Variants in DAB1 observed in about 807,000 individuals in gnomAD.
DAB1 encodes the protein disabled homolog 1.
Under a neutral mutation model 64.6 loss-of-function variants are expected in DAB1, and 15 were observed. The ratio of observed to expected loss-of-function variants is 0.23; its 90% CI spans 0.16 to 0.36. DAB1 has a LOEUF of 0.36. Among genes scored for constraint, DAB1 ranks in the 10% least tolerant of loss-of-function variants. The pLI is 1.00. For synonymous variants in DAB1, 235 were observed against 251.9 expected, an observed-to-expected ratio of 0.93 and a Z score of 0.64; for missense variants, 596 against 706.7, an observed-to-expected ratio of 0.84 and a Z score of 1.78.
chr1:58,236,921 C>T (rs1210349151), intron 4 of DAB1, among the ~76,000 whole-genome samples: 1 of 152,180 alleles, frequency 6.6e-6, no homozygotes, highest in Non-Finnish European at 1.5e-5. Flanking sequence ...AACTGAAACC[C>T]AGAGAAGTTA....
At chr1:58,485,475 T>C (rs977437336) in intron 3 of DAB1, among the ~76,000 whole-genome samples, 1 of 152,056 alleles carries the variant, frequency 6.6e-6, no homozygotes, top group Admixed American at 6.6e-5. Flanking sequence ...TACTTCTTCA[T>C]GTGTGAACTG....
At chr1:57,696,213 T>A (rs918812886) in intron 6 of DAB1, among the ~76,000 whole-genome samples, 3 of 152,130 alleles carry the variant, frequency 2.0e-5, no homozygotes, top group African/African-American at 7.2e-5. Context: ...CATTGTTGAA[T>A]CCCCATATCT....
At chr1:58,256,918 T>C (rs1660945592) in intron 4 of DAB1, among the ~76,000 whole-genome samples, 1 of 152,230 alleles carries the variant, frequency 6.6e-6, no homozygotes, top group South Asian at 2.1e-4. Context: ...TTGACACTCA[T>C]ATGCTGATTT....
chr1:58,391,505 G>T (rs929654115), intron 3 of DAB1, among the ~76,000 whole-genome samples: 2 of 152,204 alleles, frequency 1.3e-5, no homozygotes, highest in African/African-American at 4.8e-5. Flanking sequence ...GTAAAGCCAG[G>T]ACTTGAATTC....
intron 3 of DAB1, among the ~76,000 whole-genome samples, chr1:58,378,288 GT>G (rs1211514634): frequency 9.2e-6 from 1 of 109,224 alleles, no homozygotes; most frequent in African/African-American, 3.3e-5. Flanking sequence ...TTTCTGTTCT[GT>G]TTTTTCCCCA....
At chr1:57,876,460 G>A (rs972395595) in intron 1 of DAB1, 18 of 152,236 alleles carry the variant, frequency 1.2e-4, no homozygotes, top group Non-Finnish European at 2.6e-4. Flanking sequence ...ATCACGTAAG[G>A]TGATTGTTGT....
chr1:57,698,702 C>T (rs1646874403), intron 6 of DAB1, among the ~76,000 whole-genome samples: 1 of 152,136 alleles, frequency 6.6e-6, no homozygotes, highest in Non-Finnish European at 1.5e-5. Flanking sequence ...TGTTCATCAG[C>T]ACATGGCTCC....
intron 5 of DAB1, among the ~76,000 whole-genome samples, chr1:58,136,229 G>A (rs1224528950): frequency 6.6e-6 from 1 of 152,180 alleles, no homozygotes; most frequent in Non-Finnish European, 1.5e-5. Flanking sequence ...CTAGTTGTGT[G>A]TAAGAATACT....
intron 5 of DAB1, among the ~76,000 whole-genome samples, chr1:57,986,673 A>G (rs1646226533): frequency 6.6e-6 from 1 of 152,194 alleles, no homozygotes; most frequent in South Asian, 2.1e-4. Flanking sequence ...TTTGTGAAAC[A>G]GAACTGAAGG....
At chr1:57,935,141 G>A (rs868767336) in intron 5 of DAB1, among the ~76,000 whole-genome samples, 1 of 152,198 alleles carries the variant, frequency 6.6e-6, no homozygotes, top group Middle Eastern at 3.2e-3. Context: ...CCTGGCACTT[G>A]TAACATACAG....
intron 2 of DAB1, among the ~76,000 whole-genome samples, chr1:57,212,972 C>T (rs1253704931): frequency 6.6e-6 from 1 of 152,164 alleles, no homozygotes; most frequent in Non-Finnish European, 1.5e-5. Context: ...AGGCAGGGGG[C>T]TGCACAGAGG....
intron 6 of DAB1, among the ~76,000 whole-genome samples, chr1:57,804,238 T>C (rs918032705): frequency 6.6e-6 from 1 of 152,236 alleles, no homozygotes; most frequent in Non-Finnish European, 1.5e-5. Context: ...AAAGCTGGTA[T>C]GGAACTTAAC....
At chr1:57,454,492 C>T (rs1223441542) in intron 7 of DAB1, among the ~76,000 whole-genome samples, 1 of 151,848 alleles carries the variant, frequency 6.6e-6, no homozygotes, top group Non-Finnish European at 1.5e-5. Context: ...CAACAGACCC[C>T]GGGGTCTACT....
intron 3 of DAB1, among the ~76,000 whole-genome samples, chr1:58,442,779 G>A (rs1645026433): frequency 6.6e-6 from 1 of 152,126 alleles, no homozygotes; most frequent in African/African-American, 2.4e-5. Flanking sequence ...CAGCACTTTG[G>A]GAGGCTGAGG....
chr1:57,638,051 T>C (rs2101637355), intron 7 of DAB1, among the ~76,000 whole-genome samples: 1 of 152,318 alleles, frequency 6.6e-6, no homozygotes, highest in South Asian at 2.1e-4. Flanking sequence ...TATAATCTGA[T>C]ACTAGTCATA....
At chr1:57,356,161 G>A (rs1570356942) in intron 1 of DAB1, among the ~76,000 whole-genome samples, 1 of 152,068 alleles carries the variant, frequency 6.6e-6, no homozygotes, top group South Asian at 2.1e-4. Flanking sequence ...AGTGAATGTT[G>A]TTGAGTGCTA....
chr1:57,390,147 G>A (rs546026883), intron 1 of DAB1, among the ~76,000 whole-genome samples: 1 of 152,326 alleles, frequency 6.6e-6, no homozygotes, highest in African/African-American at 2.4e-5. Flanking sequence ...TACAGACAAA[G>A]AAGGTTTTGG....
chr1:57,004,535 C>A (rs1645994406), intron 14 of DAB1, among the ~76,000 whole-genome samples: 1 of 152,128 alleles, frequency 6.6e-6, no homozygotes, highest in Admixed American at 6.5e-5. Flanking sequence ...AAGAAAAGTG[C>A]CAAGCGAAGC....
chr1:57,227,115 C>T (rs975989919), intron 2 of DAB1, among the ~76,000 whole-genome samples: 5 of 152,092 alleles, frequency 3.3e-5, no homozygotes, highest in Non-Finnish European at 7.3e-5. Flanking sequence ...GTCAAGTCTG[C>T]AGTGAGCTGT....
Sources: allele counts gnomAD v4.1 joint callset (sites outside exome capture counted in the v4.1 genomes callset), GRCh38; gene constraint gnomAD v4.1.1; transcripts MANE v1.5; gene names NCBI Gene and HGNC (gene_info 2026-07-23, HGNC 2026-07-21).